AKT3: variants seen among roughly 807,000 people sequenced by gnomAD.
AKT3 encodes the protein RAC-gamma serine/threonine-protein kinase.
AKT3 carries 15 observed loss-of-function variants against 65.3 expected under a neutral mutation model. The observed-to-expected ratio is 0.23, with a 90% CI of 0.15 to 0.35. The LOEUF (loss-of-function observed/expected upper bound fraction) is 0.35, where lower values mean the gene tolerates loss of function less well. AKT3 is among the 10% of genes least tolerant of loss of function. The probability of loss-of-function intolerance (pLI) is 1.00; values close to 1 mark genes in which losing one functional copy is unlikely to be tolerated. For missense variants in AKT3, 243 were observed against 576.5 expected (o/e 0.42, Z 5.92); for synonymous variants, 206 against 183.8 (o/e 1.12, Z -0.98).
At chr1:243,678,671 T>C (rs1027885133) in intron 3 of AKT3, among the ~76,000 whole-genome samples, 2 of 152,240 alleles carry the variant, frequency 1.3e-5, no homozygotes, top group African/African-American at 4.8e-5. Flanking sequence ...ATTTAATGTC[T>C]AAATCACTTA....
chr1:243,633,274 T>C (rs1217109810), intron 6 of AKT3, among the ~76,000 whole-genome samples: 1 of 152,132 alleles, frequency 6.6e-6, no homozygotes, highest in African/African-American at 2.4e-5. Flanking sequence ...CCCTTCAGGT[T>C]TAAATATAAG....
chr1:243,768,332 C>T (rs1169151008), intron 2 of AKT3, among the ~76,000 whole-genome samples: 2 of 152,098 alleles, frequency 1.3e-5, no homozygotes, highest in African/African-American at 4.8e-5. Context: ...CTGATATATT[C>T]TTACATGTTT....
intron 2 of AKT3, among the ~76,000 whole-genome samples, chr1:243,729,866 C>T (rs997323246): frequency 6.6e-6 from 1 of 152,140 alleles, no homozygotes; most frequent in Non-Finnish European, 1.5e-5. Flanking sequence ...CACTTTATTA[C>T]CAGAATAATT....
intron 12 of AKT3, among the ~76,000 whole-genome samples, chr1:243,522,754 G>C (rs1415132110): frequency 6.6e-6 from 1 of 152,094 alleles, no homozygotes; most frequent in Non-Finnish European, 1.5e-5. Context: ...AATGTAGGTA[G>C]GTTACTAGGC....
intron 6 of AKT3, among the ~76,000 whole-genome samples, chr1:243,623,214 C>G (rs1414090618): frequency 1.1e-4 from 17 of 152,174 alleles, no homozygotes; most frequent in Non-Finnish European, 2.4e-4. Context: ...GGAATCTGAG[C>G]ATCTCAGGGC....
chr1:243,553,060 T>C, intron 10 of AKT3, 117 bp from the exon 11 acceptor site: 1 of 758,208 alleles, frequency 1.3e-6, no homozygotes, highest in Non-Finnish European at 2.0e-6. Flanking sequence ...CTAGGTAGTC[T>C]GAGATCTTGA....
intron 2 of AKT3, among the ~76,000 whole-genome samples, chr1:243,778,054 T>G (rs2148298626): frequency 6.6e-6 from 1 of 152,170 alleles, no homozygotes; most frequent in East Asian, 1.9e-4. Context: ...AAGACTGGCT[T>G]CCTTTAAAAG....
chr1:243,642,519 C>T (rs1292805100), intron 5 of AKT3, among the ~76,000 whole-genome samples: 1 of 152,122 alleles, frequency 6.6e-6, no homozygotes. Context: ...CCGTGTTAGC[C>T]AGGATGGTCT....
rs1673735688 is a variant in AKT3, at chr1:243,560,990, C to G, written c.948+2730G>C. ...TTTTGTGACATTTATAAAAACAATT[C>G]TATTCTAGAAAATATTTTATTTGAA... On this transcript the variant is annotated intron_variant, in intron 10 of 13. Coordinates refer to ENST00000673466, the MANE Select transcript of AKT3 (RefSeq NM_005465.7). Among the ~76,000 whole-genome samples, 3 of 151,954 alleles carry G rather than the reference C, an allele frequency of 2.0e-5. No homozygotes were observed. In the South Asian group the frequency reaches 6.2e-4, roughly 31 times the overall value.
At chr1:243,741,942 G>A (rs1245640793) in intron 2 of AKT3, 1 of 150,800 alleles carries the variant, frequency 6.6e-6, no homozygotes, top group African/African-American at 2.4e-5. Context: ...TGTATTAACA[G>A]TATTCAAAAA....
At chr1:243,618,590 G>A (rs1357631444) in intron 6 of AKT3, among the ~76,000 whole-genome samples, 3 of 152,026 alleles carry the variant, frequency 2.0e-5, no homozygotes, top group East Asian at 1.9e-4. Flanking sequence ...GGGATACAAT[G>A]TATTTTTTTC....
chr1:243,813,816 GTATA>G (rs1228747450), intron 2 of AKT3, among the ~76,000 whole-genome samples: 1 of 152,160 alleles, frequency 6.6e-6, no homozygotes, highest in African/African-American at 2.4e-5. Flanking sequence ...ATTTTAAAGA[GTATA>G]TGGACTGGGC....
chr1:243,529,016 C>T (rs1268969273), intron 12 of AKT3, among the ~76,000 whole-genome samples: 5 of 152,118 alleles, frequency 3.3e-5, no homozygotes, highest in Non-Finnish European at 7.3e-5. Context: ...GAGATGGTAT[C>T]TCACAGTGGT....
At chr1:243,739,040 C>T (rs577068444) in intron 2 of AKT3, among the ~76,000 whole-genome samples, 2 of 152,266 alleles carry the variant, frequency 1.3e-5, no homozygotes, top group Non-Finnish European at 2.9e-5. Context: ...AGATCACTCT[C>T]AAACCTTATG....
At chr1:243,593,415 C>T (rs148743038) in intron 8 of AKT3, among the ~76,000 whole-genome samples, 87 of 152,144 alleles carry the variant, frequency 5.7e-4, no homozygotes, top group African/African-American at 2.0e-3. Context: ...AAAAGAAAGC[C>T]GGGCACAGTG....
At chr1:243,617,027 C>T (rs576968786) in intron 6 of AKT3, among the ~76,000 whole-genome samples, 1 of 152,088 alleles carries the variant, frequency 6.6e-6, no homozygotes, top group Non-Finnish European at 1.5e-5. Flanking sequence ...ATACACTGTG[C>T]CTAACATAAT....
At chr1:243,697,979 G>GA (rs67430377) in intron 2 of AKT3, among the ~76,000 whole-genome samples, 2 of 151,062 alleles carry the variant, frequency 1.3e-5, no homozygotes, top group East Asian at 1.9e-4. Flanking sequence ...AAAGAAAAAA[G>GA]AAAAAAAAGT....
chr1:243,745,538 T>C (rs796429020), intron 2 of AKT3, among the ~76,000 whole-genome samples: 4 of 152,284 alleles, frequency 2.6e-5, no homozygotes, highest in African/African-American at 7.2e-5. Flanking sequence ...ATAGATGATA[T>C]TAGTCAGTAC....
chr1:243,849,916 C>T, intron 1 of AKT3, 124 bp downstream of exon 1: 1 of 718,596 alleles, frequency 1.4e-6, no homozygotes, highest in Non-Finnish European at 1.7e-6. Context: ...GAAGCCCCCG[C>T]CTCACCCCAC....
Sources: allele counts gnomAD v4.1 joint callset (sites outside exome capture counted in the v4.1 genomes callset), GRCh38; gene constraint gnomAD v4.1.1; transcripts MANE v1.5; gene names NCBI Gene and HGNC (gene_info 2026-07-23, HGNC 2026-07-21).